TMEM242: variants seen among roughly 807,000 people sequenced by gnomAD.
The protein encoded by TMEM242 is UPF0463 transmembrane protein C6orf35.
In TMEM242, 10 loss-of-function variants were observed where a neutral mutation model predicts 18.2. The observed-to-expected ratio is 0.55, with a 90% confidence interval of 0.34 to 0.93. TMEM242 has a LOEUF of 0.93. Ranked by LOEUF, TMEM242 falls within the 40% of genes least tolerant of loss-of-function variation. The pLI is 0.02. For missense variants in TMEM242, 186 were observed against 175.5 expected (o/e 1.06, Z -0.34); for synonymous variants, 57 against 69.9 (o/e 0.81, Z 0.92).
In TMEM242 at chr6:157,322,685, T is replaced by C; in HGVS notation, c.189+20A>G. On this transcript the variant is annotated intron_variant, in intron 2 of 3. Transcript: ENST00000400788. Reference sequence around the variant, plus strand: ...TTGTAAACAATAACAATGCTATGAATGGATTTCAGTGTCACCAACCTTATT... The same window carrying C: ...TTGTAAACAATAACAATGCTATGAACGGATTTCAGTGTCACCAACCTTATT... The C allele has an allele frequency of 6.3e-7, 1 of 1,595,054 alleles. No individual in the cohort carries two copies. Among genetic ancestry groups the C allele is most frequent in the Non-Finnish European group, 8.6e-7 (1 of 1,168,310 alleles).
chr6:157,303,367 C>T (rs180808278), intron 3 of TMEM242, among the ~76,000 whole-genome samples: 29 of 152,186 alleles, frequency 1.9e-4, no homozygotes, highest in African/African-American at 6.5e-4. Flanking sequence ...AGGTGGCACC[C>T]ACTGGGGCAT....
chr6:157,303,319 T>C (rs1777855849), intron 3 of TMEM242, among the ~76,000 whole-genome samples: 1 of 152,186 alleles, frequency 6.6e-6, no homozygotes, highest in South Asian at 2.1e-4. Context: ...AGACCCCATC[T>C]AGAGAGAGTT....
intron 3 of TMEM242, among the ~76,000 whole-genome samples, chr6:157,308,550 A>G (rs1777946834): frequency 6.6e-6 from 1 of 152,204 alleles, no homozygotes; most frequent in Non-Finnish European, 1.5e-5. Flanking sequence ...TATTTAAAAT[A>G]TATCTGTTTT....
intron 3 of TMEM242, among the ~76,000 whole-genome samples, chr6:157,294,436 C>T (rs376486870): frequency 6.7e-6 from 1 of 148,698 alleles, no homozygotes; most frequent in Non-Finnish European, 1.5e-5. Context: ...CTGCAAGCTC[C>T]GCCTCCCGGG....
At chr6:157,322,327 C>T (rs1405258285) in intron 2 of TMEM242, among the ~76,000 whole-genome samples, 2 of 152,092 alleles carry the variant, frequency 1.3e-5, no homozygotes, top group Non-Finnish European at 2.9e-5. Flanking sequence ...GATGGGTTTT[C>T]GCCATGTTGG....
At position 157,289,199 on chromosome 6, in the gene TMEM242, C is replaced by T. The variant is rs1365492043; in HGVS notation, c.*3702G>A. Among the ~76,000 whole-genome samples, 1 of 152,168 alleles carries T rather than the reference C, an allele frequency of 6.6e-6. No individual in the cohort carries two copies. The highest frequency in any genetic ancestry group is 1.5e-5 in the Non-Finnish European group (1 of 68,038). ...GGGAAAGTTGAAACGATATGTGCTT[C>T]TTGGTAGCTGTGATTCTAATTTTCT... On this transcript the variant is annotated 3_prime_UTR_variant, in exon 4 of 4. Transcript: ENST00000400788.
At position 157,305,783 on chromosome 6, in the gene TMEM242, G is replaced by A. The variant is rs946035444; in HGVS notation, c.328-12784C>T. 4.6e-5 allele frequency among the ~76,000 whole-genome samples: 7 copies of A among 152,116 alleles called. No individual in the cohort carries two copies. Among genetic ancestry groups the A allele is most frequent in the African/African-American group, 1.7e-4 (7 of 41,420 alleles). On this transcript the variant is annotated intron_variant, in intron 3 of 3. Coordinates refer to ENST00000400788, the MANE Select transcript of TMEM242 (RefSeq NM_018452.6). The surrounding 1 kb of genome is among the most constrained non-coding windows in gnomAD (Gnocchi z 4.1). ...CTCCATTGTGCCCAAATGTTGCTGG[G>A]AGGGCAAGTAACAGAGGATAAAGTA...
intron 3 of TMEM242, among the ~76,000 whole-genome samples, chr6:157,311,359 T>G (rs112160630): frequency 1.6e-5 from 1 of 63,294 alleles, no homozygotes; most frequent in African/African-American, 6.5e-5. Flanking sequence ...TGCGCTCACC[T>G]AGCCTCATCA....
At chr6:157,322,419 C>A (rs587752649) in intron 2 of TMEM242, among the ~76,000 whole-genome samples, 1 of 152,174 alleles carries the variant, frequency 6.6e-6, no homozygotes, top group African/African-American at 2.4e-5. Context: ...GCATGAACCA[C>A]GATGCCTGGC....
intron 3 of TMEM242, among the ~76,000 whole-genome samples, chr6:157,312,218 C>A (rs1778165113): frequency 6.7e-6 from 1 of 149,066 alleles, no homozygotes; most frequent in Non-Finnish European, 1.5e-5. Flanking sequence ...CTAGCGTCAT[C>A]ATAGTGCCCC....
chr6:157,316,681 C>T (rs1554250370), intron 3 of TMEM242, among the ~76,000 whole-genome samples: 1 of 151,962 alleles, frequency 6.6e-6, no homozygotes, highest in Non-Finnish European at 1.5e-5. Flanking sequence ...TCGCAACCAG[C>T]CTGGGCAACA....
At chr6:157,310,312 A>T (rs1228871069) in intron 3 of TMEM242, among the ~76,000 whole-genome samples, 2 of 151,862 alleles carry the variant, frequency 1.3e-5, no homozygotes, top group African/African-American at 4.8e-5. Flanking sequence ...ATTTACCTCA[A>T]CTGTTCTCCA....
At chr6:157,293,355 AAAACAAACAAAC>A (rs111648623) in intron 3 of TMEM242, among the ~76,000 whole-genome samples, 42 of 148,264 alleles carry the variant, frequency 2.8e-4, no homozygotes, top group Non-Finnish European at 5.2e-4. Flanking sequence ...TATCTCTTTA[AAAACAAACAAAC>A]AAACAAACAA....
intron 2 of TMEM242, 47 bp downstream of exon 2, chr6:157,322,658 T>TA: frequency 1.3e-6 from 2 of 1,518,876 alleles, no homozygotes; most frequent in South Asian, 2.4e-5. Context: ...AGCTGCCATA[T>TA]ATTGTAAACA....
Position 157,292,167 on chromosome 6 carries a change from AT to A in TMEM242, c.*733del, listed in dbSNP as rs1185920451. 6.6e-6 allele frequency: 1 copy of A among 152,194 alleles called. No individual in the cohort carries two copies. The highest frequency in any genetic ancestry group is 2.4e-5 in the African/African-American group (1 of 41,440). The allele number at this position is 152,194 out of a possible 1,614,324, so 9.4% of individuals were successfully genotyped here. A position where few individuals can be genotyped will look rare whatever the true frequency, so the allele number is the denominator to read the frequency against. Reference sequence around the variant, plus strand: ...TTTGACAACTGAGACAAAATGACAAATTGTCAGTGTTCAGAGATCCAGACCA... The same window carrying A: ...TTTGACAACTGAGACAAAATGACAAATGTCAGTGTTCAGAGATCCAGACCA... On this transcript the variant is annotated 3_prime_UTR_variant, in exon 4 of 4. Coordinates refer to ENST00000400788, the MANE Select transcript of TMEM242 (RefSeq NM_018452.6).
chr6:157,307,870 C>T (rs142795050), intron 3 of TMEM242, among the ~76,000 whole-genome samples: 402 of 152,268 alleles, frequency 2.6e-3, no homozygotes, highest in African/African-American at 8.7e-3. Flanking sequence ...GCCGAATATG[C>T]TGACGTATGG....
At chr6:157,315,773 A>G (rs1778376886) in intron 3 of TMEM242, among the ~76,000 whole-genome samples, 1 of 152,312 alleles carries the variant, frequency 6.6e-6, no homozygotes, top group South Asian at 2.1e-4. Context: ...CATTCTACCC[A>G]TCTTCAGTGC....
rs1777672527 is a variant in TMEM242, at chr6:157,290,634, G to A, written c.*2267C>T. ...TTAACAATATGCCTCTGGTACAAAA[G>A]GAATAGACAAATGACGAAATCTACT... On this transcript the variant is annotated 3_prime_UTR_variant, in exon 4 of 4. Coordinates refer to ENST00000400788, the MANE Select transcript of TMEM242 (RefSeq NM_018452.6). 6.6e-6 allele frequency: 1 copy of A among 152,174 alleles called. No individual in the cohort carries two copies. Among genetic ancestry groups the A allele is most frequent in the African/African-American group, 2.4e-5 (1 of 41,444 alleles). 9.4% of individuals were successfully genotyped at this position (152,174 alleles called of 1,614,324 possible).
intron 3 of TMEM242, chr6:157,300,275 G>A: frequency 3.0e-6 from 1 of 329,716 alleles, no homozygotes; most frequent in South Asian, 3.4e-5. Context: ...GGCTGCGCGG[G>A]CCTTGCCAGC....
Sources: gnomAD v4.1 joint callset for allele counts (sites outside exome capture counted in the v4.1 genomes callset) on GRCh38, gnomAD v4.1.1 for gene constraint, Gnocchi (gnomAD v3.1) non-coding constraint, MANE v1.5 for transcripts, NCBI Gene and HGNC (gene_info 2026-07-23, HGNC 2026-07-21) for gene names.